Variants in CPQ observed in about 807,000 individuals in gnomAD.
CPQ encodes the protein Ser-Met dipeptidase.
Under a neutral mutation model 45.7 loss-of-function variants are expected in CPQ, and 37 were observed. That is an observed-to-expected ratio of 0.81 (90% confidence interval 0.62 to 1.07). CPQ has a LOEUF of 1.07. CPQ is among the 50% of genes least tolerant of loss of function. CPQ has a pLI of 0.00. For missense variants in CPQ, 537 were observed against 572.9 expected (o/e 0.94, Z 0.64); for synonymous variants, 186 against 205.8 (o/e 0.90, Z 0.82).
At chr8:96,884,009 G>C (rs1449245778) in intron 4 of CPQ, among the ~76,000 whole-genome samples, 1 of 152,084 alleles carries the variant, frequency 6.6e-6, no homozygotes, top group Admixed American at 6.6e-5. Flanking sequence ...TTTAAATCTG[G>C]AAGTTTTACT....
chr8:96,813,079 T>A (rs1314756644), intron 2 of CPQ, among the ~76,000 whole-genome samples: 1 of 152,116 alleles, frequency 6.6e-6, no homozygotes, highest in Non-Finnish European at 1.5e-5. Context: ...GTGTTCCCCC[T>A]TTCCCGCAGT....
At chr8:97,042,069 C>T (rs1217370298) in intron 6 of CPQ, among the ~76,000 whole-genome samples, 2 of 152,134 alleles carry the variant, frequency 1.3e-5, no homozygotes, top group Non-Finnish European at 1.5e-5. Context: ...GGTACCAGTT[C>T]CTCCTTGTAC....
chr8:96,956,536 A>G (rs534483793), intron 4 of CPQ, among the ~76,000 whole-genome samples: 33 of 152,264 alleles, frequency 2.2e-4, no homozygotes, highest in Admixed American at 3.9e-4. Context: ...AATTCATTGT[A>G]TTGTAAATGG....
At chr8:97,138,588 T>C (rs1256450111) in intron 7 of CPQ, among the ~76,000 whole-genome samples, 1 of 152,142 alleles carries the variant, frequency 6.6e-6, no homozygotes, top group Admixed American at 6.5e-5. Context: ...CTTTTAATAA[T>C]ACATGACTTA....
intron 6 of CPQ, among the ~76,000 whole-genome samples, chr8:97,053,417 C>A (rs1169146177): frequency 6.6e-6 from 1 of 152,104 alleles, no homozygotes; most frequent in Non-Finnish European, 1.5e-5. Context: ...GGGAACAAGG[C>A]AGACTTTATG....
intron 7 of CPQ, among the ~76,000 whole-genome samples, chr8:97,101,951 CCTCTCTCTCTCT>C (rs150834817): frequency 1.1e-5 from 1 of 90,740 alleles, no homozygotes; most frequent in African/African-American, 4.5e-5. Flanking sequence ...TCCCTCCCTC[CCTCTCTCTCTCT>C]CTCTCTCTCT....
intron 1 of CPQ, among the ~76,000 whole-genome samples, chr8:96,663,701 C>T (rs1808884042): frequency 6.6e-6 from 1 of 152,094 alleles, no homozygotes; most frequent in African/African-American, 2.4e-5. Flanking sequence ...TAAGGGCTGA[C>T]TTCATTTTTT....
intron 1 of CPQ, among the ~76,000 whole-genome samples, chr8:96,652,655 C>T (rs182178574): frequency 1.3e-5 from 2 of 152,214 alleles, no homozygotes; most frequent in Non-Finnish European, 2.9e-5. Flanking sequence ...TTGTTTGAGA[C>T]GGAGTCTTGC....
chr8:96,954,905 T>G (rs2130344144), intron 4 of CPQ, among the ~76,000 whole-genome samples: 1 of 152,298 alleles, frequency 6.6e-6, no homozygotes, highest in Non-Finnish European at 1.5e-5. Context: ...GCTTCATCCA[T>G]GTCCCTACAA....
At chr8:96,991,719 C>G (rs1809096252) in intron 5 of CPQ, among the ~76,000 whole-genome samples, 1 of 152,084 alleles carries the variant, frequency 6.6e-6, no homozygotes, top group South Asian at 2.1e-4. Flanking sequence ...CCCCAGAACC[C>G]TAGTAGGACA....
At chr8:96,743,235 A>G (rs1302320350) in intron 1 of CPQ, among the ~76,000 whole-genome samples, 1 of 151,690 alleles carries the variant, frequency 6.6e-6, no homozygotes, top group African/African-American at 2.4e-5. Flanking sequence ...TTCATCTTCC[A>G]TCGTTGATAC....
chr8:96,705,077 A>G (rs1034137084), intron 1 of CPQ, among the ~76,000 whole-genome samples: 21 of 152,170 alleles, frequency 1.4e-4, no homozygotes, highest in African/African-American at 4.3e-4. Context: ...TCTTTTAAAG[A>G]TGATAAAGAA....
At chr8:96,780,456 G>C (rs1810671577) in intron 1 of CPQ, among the ~76,000 whole-genome samples, 1 of 152,152 alleles carries the variant, frequency 6.6e-6, no homozygotes, top group South Asian at 2.1e-4. Flanking sequence ...AATGCAGCTA[G>C]AGCAATATTG....
chr8:97,084,358 G>C (rs915938708), intron 7 of CPQ, among the ~76,000 whole-genome samples: 1 of 152,022 alleles, frequency 6.6e-6, no homozygotes, highest in Non-Finnish European at 1.5e-5. Context: ...GTGATCTTTT[G>C]CTTCTTTTAT....
intron 7 of CPQ, among the ~76,000 whole-genome samples, chr8:97,139,398 A>T (rs998590261): frequency 2.0e-5 from 3 of 152,192 alleles, no homozygotes; most frequent in Non-Finnish European, 4.4e-5. Flanking sequence ...TTTGAAGAAC[A>T]CAATTAAGAA....
intron 5 of CPQ, among the ~76,000 whole-genome samples, chr8:96,976,271 A>C (rs979924757): frequency 5.0e-5 from 7 of 140,338 alleles, no homozygotes; most frequent in East Asian, 4.1e-4. Context: ...AAAAAAAAAA[A>C]ACCTTAGGAT....
At position 96,726,212 on chromosome 8, in the gene CPQ, G is replaced by A. The variant is rs1809837422; in HGVS notation, c.-34-58652G>A. 3.3e-5 allele frequency among the ~76,000 whole-genome samples: 5 copies of A among 152,034 alleles called. No homozygotes were observed. The South Asian group carries it at 8.3e-4, about 25-fold the overall frequency. ...TAACAAACCCACACATATGCCCTCT[G>A]AATCTAAAATAAAAGAAGAAATTAT... On this transcript the variant is annotated intron_variant, in intron 1 of 7. Coordinates refer to ENST00000220763, the MANE Select transcript of CPQ (RefSeq NM_016134.4).
rs562238661 is a variant in CPQ, at chr8:96,936,737, A to G, written c.850-29198A>G. Reference sequence around the variant, plus strand: ...AAAACAAAGTTTTCCACATATATGAATGAGACTGGGGAAGGGAGTATGGTC... The same window carrying G: ...AAAACAAAGTTTTCCACATATATGAGTGAGACTGGGGAAGGGAGTATGGTC... On this transcript the variant is annotated intron_variant, in intron 4 of 7. Transcript: ENST00000220763. 7.2e-5 allele frequency among the ~76,000 whole-genome samples: 11 copies of G among 152,334 alleles called. No homozygotes were observed. The East Asian group carries it at 2.1e-3, about 29-fold the overall frequency.
At chr8:97,124,161 G>A (rs900702647) in intron 7 of CPQ, among the ~76,000 whole-genome samples, 2 of 145,772 alleles carry the variant, frequency 1.4e-5, no homozygotes, top group African/African-American at 5.1e-5. Flanking sequence ...GGGAGGTGGA[G>A]GTTGCAGTGA....
Sources: allele counts gnomAD v4.1 joint callset (sites outside exome capture counted in the v4.1 genomes callset), GRCh38; gene constraint gnomAD v4.1.1; transcripts MANE v1.5; gene names NCBI Gene and HGNC (gene_info 2026-07-23, HGNC 2026-07-21).